Variants in DGLUCY observed in about 807,000 individuals in gnomAD.
DGLUCY encodes D-glutamate cyclase.
In DGLUCY, 58 loss-of-function variants were observed where a neutral mutation model predicts 58.5. The ratio of observed to expected loss-of-function variants is 0.99; its 90% CI spans 0.80 to 1.23. The LOEUF is 1.23. Among genes scored for constraint, DGLUCY ranks in the 50% most tolerant of loss-of-function variants. The pLI, the probability that DGLUCY is intolerant of heterozygous loss-of-function variation, is 0.00. For synonymous variants in DGLUCY, 325 were observed against 314.1 expected, an observed-to-expected ratio of 1.03 and a Z score of -0.37; for missense variants, 779 against 784.7, an observed-to-expected ratio of 0.99 and a Z score of 0.09.
chr14:91,136,969 CA>C (rs1276548032), intron 1 of DGLUCY, among the ~76,000 whole-genome samples: 161 of 140,676 alleles, frequency 1.1e-3, no homozygotes, highest in Admixed American at 1.7e-3. Flanking sequence ...AACTTTGTCT[CA>C]AAAAAAAAAA....
At chr14:91,169,796 C>T (rs536872461) in intron 4 of DGLUCY, among the ~76,000 whole-genome samples, 3 of 152,142 alleles carry the variant, frequency 2.0e-5, no homozygotes, top group South Asian at 2.1e-4. Flanking sequence ...ACGTTCTATA[C>T]GTGCTGATTT....
At chr14:91,109,892 T>C (rs2140097008), upstream of DGLUCY, among the ~76,000 whole-genome samples, 1 of 152,352 alleles carries the variant, frequency 6.6e-6, no homozygotes, top group South Asian at 2.1e-4. Context: ...GAGGCTTTCA[T>C]ATCTAATTCA....
chr14:91,120,313 CA>C (rs2045269789), intron 1 of DGLUCY, among the ~76,000 whole-genome samples: 1 of 152,170 alleles, frequency 6.6e-6, no homozygotes, highest in Non-Finnish European at 1.5e-5. Context: ...ATTCTAAAAC[CA>C]AATTCCTCAT....
In DGLUCY at chr14:91,176,035, C is replaced by T. The variant is rs777154309; in HGVS notation, c.709C>T (p.Leu237Phe). ...PVFWPSPLTS[L>F]GAVSSCETPL... ...GTTCTGGCCTTCTCCGCTGACCAGT[C>T]TCGGAGCTGTCAGCAGCTGTGGTAC... The change falls in exon 7 of 14, where the codon CTC becomes TTC. Residue 237 changes from leucine (L) to phenylalanine (F), a missense_variant. Transcript: ENST00000256324. The T allele has an allele frequency of 1.2e-6, 2 of 1,613,892 alleles. No homozygotes were observed. The highest frequency in any genetic ancestry group is 1.7e-5 in the Admixed American group (1 of 59,998).
chr14:91,214,061 G>A (rs1886141809), intron 12 of DGLUCY, among the ~76,000 whole-genome samples: 1 of 149,148 alleles, frequency 6.7e-6, no homozygotes, highest in African/African-American at 2.5e-5. Flanking sequence ...AACTGGAATT[G>A]CTCCCATTCC....
intron 1 of DGLUCY, among the ~76,000 whole-genome samples, chr14:91,094,434 C>CA (rs2044362963): frequency 1.1e-4 from 16 of 142,520 alleles, no homozygotes; most frequent in African/African-American, 1.6e-4. Context: ...GACTCTGTCC[C>CA]CAAAAAAAAA....
chr14:91,067,939 A>G (rs1445311063), intron 1 of DGLUCY, among the ~76,000 whole-genome samples: 1 of 152,192 alleles, frequency 6.6e-6, no homozygotes, highest in African/African-American at 2.4e-5. Context: ...TGCAAGATAC[A>G]AAGACCAACA....
intron 2 of DGLUCY, among the ~76,000 whole-genome samples, chr14:91,157,929 C>T (rs2047758471): frequency 6.6e-6 from 1 of 152,202 alleles, no homozygotes; most frequent in South Asian, 2.1e-4. Context: ...ATTTGCAAAA[C>T]AGCACACAGC....
At chr14:91,116,022 C>T (rs1354737748) in intron 1 of DGLUCY, among the ~76,000 whole-genome samples, 3 of 152,176 alleles carry the variant, frequency 2.0e-5, no homozygotes, top group South Asian at 2.1e-4. Context: ...TAATGATTCT[C>T]GTCCAAGTGC....
intron 1 of DGLUCY, among the ~76,000 whole-genome samples, chr14:91,083,799 A>G (rs1441096702): frequency 2.0e-5 from 3 of 151,940 alleles, no homozygotes; most frequent in Non-Finnish European, 2.9e-5. Flanking sequence ...CTAAAGCACC[A>G]TTCAGGGTTC....
At chr14:91,108,441 G>A (rs901882044) in intron 1 of DGLUCY, among the ~76,000 whole-genome samples, 2 of 147,988 alleles carry the variant, frequency 1.4e-5, no homozygotes, top group Admixed American at 6.7e-5. Context: ...GGCCGTCTAA[G>A]TCTTTAGACT....
chr14:91,216,772 C>T lies in DGLUCY; in HGVS notation c.1716+1216C>T, dbSNP rs188203610. 5.1e-4 allele frequency among the ~76,000 whole-genome samples: 78 copies of T among 152,320 alleles called. 1 individual carries two copies. Among genetic ancestry groups the T allele is most frequent in the East Asian group, 1.5e-3 (8 of 5,194 alleles). On this transcript the variant is annotated intron_variant, in intron 13 of 13. Coordinates refer to ENST00000256324, the MANE Select transcript of DGLUCY (RefSeq NM_001102368.3). Reference sequence around the variant, plus strand: ...CAGGTAACTTTTGTCTGAGCTCCTCCGACTGCAGACCCCATGCTCCGAAGT... The same window carrying T: ...CAGGTAACTTTTGTCTGAGCTCCTCTGACTGCAGACCCCATGCTCCGAAGT...
upstream of DGLUCY, among the ~76,000 whole-genome samples, chr14:91,113,196 A>T (rs998249643): frequency 2.1e-4 from 32 of 152,072 alleles, no homozygotes; most frequent in Non-Finnish European, 4.6e-4. Flanking sequence ...GCTACTGGGG[A>T]GGCTGAGGCA....
intron 1 of DGLUCY, among the ~76,000 whole-genome samples, chr14:91,066,848 A>G (rs533852567): frequency 3.8e-4 from 57 of 151,960 alleles, no homozygotes; most frequent in Non-Finnish European, 7.1e-4. Context: ...TGGGAGGCCG[A>G]GGCGGGTGGA....
At chr14:91,090,742 T>C (rs1186274025) in intron 1 of DGLUCY, among the ~76,000 whole-genome samples, 2 of 152,212 alleles carry the variant, frequency 1.3e-5, no homozygotes, top group East Asian at 3.9e-4. Flanking sequence ...CTGAGGAAGA[T>C]GCCTAAGACA....
intron 1 of DGLUCY, among the ~76,000 whole-genome samples, chr14:91,131,479 T>C (rs77023694): frequency 2.6e-5 from 4 of 152,108 alleles, no homozygotes; most frequent in Non-Finnish European, 4.4e-5. Context: ...CTTTTTTTTT[T>C]CTTATACTTC....
chr14:91,080,480 C>T (rs901609273), intron 1 of DGLUCY, among the ~76,000 whole-genome samples: 2 of 152,188 alleles, frequency 1.3e-5, no homozygotes, highest in Admixed American at 6.5e-5. Context: ...AAGCGATTCT[C>T]CTGCCTCAGC....
chr14:91,182,322 C>T (rs542846807), intron 8 of DGLUCY, among the ~76,000 whole-genome samples: 29 of 151,848 alleles, frequency 1.9e-4, no homozygotes, highest in Admixed American at 5.2e-4. Context: ...TAACACTAAA[C>T]GTGAGGAAGT....
intron 8 of DGLUCY, among the ~76,000 whole-genome samples, chr14:91,186,515 C>T (rs2098636338): frequency 6.6e-6 from 1 of 152,176 alleles, no homozygotes; most frequent in Non-Finnish European, 1.5e-5. Context: ...CCATCTGCCT[C>T]AGCCTCCCAA....
Sources: allele counts gnomAD v4.1 joint callset (sites outside exome capture counted in the v4.1 genomes callset), GRCh38; gene constraint gnomAD v4.1.1; transcripts MANE v1.5; gene names NCBI Gene and HGNC (gene_info 2026-07-23, HGNC 2026-07-21).